The following OSBPL3 variants were observed in gnomAD, a reference collection of about 807,000 sequenced individuals.
OSBPL3 encodes the protein oxysterol binding protein like 3.
In OSBPL3, 65 loss-of-function variants were observed where a neutral mutation model predicts 120.1. That is an observed-to-expected ratio of 0.54 (90% CI 0.44 to 0.67). The LOEUF (loss-of-function observed/expected upper bound fraction) is 0.67, where lower values mean the gene tolerates loss of function less well. Ranked by LOEUF, OSBPL3 falls within the 30% of genes least tolerant of loss-of-function variation. The pLI, the probability that OSBPL3 is intolerant of heterozygous loss-of-function variation, is 0.00. For synonymous variants in OSBPL3, 416 were observed against 402.6 expected (o/e 1.03, Z -0.40); for missense variants, 1,004 against 1,082.1 (o/e 0.93, Z 1.01).
intron 1 of OSBPL3, among the ~76,000 whole-genome samples, chr7:24,892,827 T>C (rs1450866370): frequency 1.3e-5 from 2 of 152,210 alleles, no homozygotes; most frequent in African/African-American, 2.4e-5. Flanking sequence ...CTTTGCAATA[T>C]AGCAGGCTTA....
At position 24,800,225 on chromosome 7, in the gene OSBPL3, T is replaced by C. The variant is rs748127199; in HGVS notation, c.2622A>G (p.Lys874=). 5.0e-6 allele frequency: 8 copies of C among 1,612,280 alleles called. No individual in the cohort carries two copies. The highest frequency in any genetic ancestry group is 2.2e-5 in the South Asian group (2 of 91,068). Residue 874 remains lysine, a synonymous_variant, in exon 23 of 23, where the codon AAA becomes AAG. Coordinates refer to ENST00000313367, the MANE Select transcript of OSBPL3 (RefSeq NM_015550.4). ...VSNGTYLELR[K]DLGFSKLDHP... The stretch of plus-strand genomic sequence containing the variant: ...GGTCCAGTTTGGAAAAACCAAGATC[T>C]TTTCTAAGTTCCAAATAGGTGCCGT...
chr7:24,829,495 C>T (rs1382351484), intron 16 of OSBPL3, among the ~76,000 whole-genome samples: 1 of 152,116 alleles, frequency 6.6e-6, no homozygotes. Context: ...CTCAGCCAAC[C>T]CACGCTTCCC....
chr7:24,895,964 G>T (rs1260097887), intron 1 of OSBPL3, among the ~76,000 whole-genome samples: 3 of 152,090 alleles, frequency 2.0e-5, no homozygotes, highest in Admixed American at 6.5e-5. Flanking sequence ...AACATTTACG[G>T]CCTGCCAAAA....
intron 7 of OSBPL3, among the ~76,000 whole-genome samples, chr7:24,865,066 T>C (rs545029539): frequency 1.3e-5 from 2 of 152,310 alleles, no homozygotes; most frequent in East Asian, 3.9e-4. Flanking sequence ...CCTTGGAGAC[T>C]GACTTATAGG....
chr7:24,852,567 C>T lies in OSBPL3; in HGVS notation c.1095G>A (p.Met365Ile). 6.2e-7 allele frequency: 1 copy of T among 1,610,002 alleles called. No individual in the cohort carries two copies. Among genetic ancestry groups the T allele is most frequent in the Non-Finnish European group, 8.5e-7 (1 of 1,178,874 alleles). Residue 365 changes from methionine (M) to isoleucine (I), a missense_variant, in exon 11 of 23, where the codon ATG becomes ATA. Coordinates refer to ENST00000313367, the MANE Select transcript of OSBPL3 (RefSeq NM_015550.4). The surrounding 1 kb of genome is among the most constrained non-coding windows in gnomAD (Gnocchi z 4.1). ...SAEREKLKQL[M>I]EQDASSSPSA... ...ACGGGGAGGAGGAGGCATCCTGCTC[C>T]ATCAGCTGCTTCAGTTTCTCTCTCT...
rs1793399711 is a variant in OSBPL3, at chr7:24,808,845, CTTAGGAAATGT to C, written c.2317+951_2317+961del. Among the ~76,000 whole-genome samples, 3 of 152,200 alleles carry C rather than the reference CTTAGGAAATGT, an allele frequency of 2.0e-5. No individual in the cohort carries two copies. The highest frequency in any genetic ancestry group is 7.2e-5 in the African/African-American group (3 of 41,442). On this transcript the variant is annotated intron_variant, in intron 20 of 22. Coordinates refer to ENST00000313367, the MANE Select transcript of OSBPL3 (RefSeq NM_015550.4). The surrounding 1 kb of genome is among the most constrained non-coding windows in gnomAD (Gnocchi z 4.6). Reference sequence around the variant, plus strand: ...TATAAAGTCCCATTTGCTGCGGGATCTTAGGAAATGTTCCTGAGAAAAGAGAGGCACGAGAG... The same window carrying C: ...TATAAAGTCCCATTTGCTGCGGGATCTCCTGAGAAAAGAGAGGCACGAGAG...
At position 24,952,381 on chromosome 7, in the gene OSBPL3, T is replaced by A. The variant is rs180920684; in HGVS notation, c.-150+27505A>T. Among the ~76,000 whole-genome samples, 1 of 152,242 alleles carries A rather than the reference T, an allele frequency of 6.6e-6. No individual in the cohort carries two copies. Among genetic ancestry groups the A allele is most frequent in the Admixed American group, 6.5e-5 (1 of 15,282 alleles). On this transcript the variant is annotated intron_variant, in intron 1 of 22. Coordinates refer to ENST00000313367, the MANE Select transcript of OSBPL3 (RefSeq NM_015550.4). The surrounding 1 kb of genome is among the most constrained non-coding windows in gnomAD (Gnocchi z 4.4). ...CAATGTCATGTAATCACTAATCATA[T>A]ACCGGTTATCTAGGTCTCCTGACAT...
chr7:24,861,245 C>A (rs1022439574), intron 10 of OSBPL3, among the ~76,000 whole-genome samples: 1 of 152,106 alleles, frequency 6.6e-6, no homozygotes, highest in Non-Finnish European at 1.5e-5. Flanking sequence ...TGGATAAATT[C>A]TAAGTTAATT....
chr7:24,915,505 A>G (rs1461262693), intron 1 of OSBPL3, among the ~76,000 whole-genome samples: 2 of 151,940 alleles, frequency 1.3e-5, no homozygotes, highest in African/African-American at 4.8e-5. Context: ...ATGTTTCCAA[A>G]TTCAAGGAAT....
intron 5 of OSBPL3, 72 bp from the exon 6 acceptor site, chr7:24,866,309 G>A (rs1801312458): frequency 9.0e-7 from 1 of 1,113,614 alleles, no homozygotes; most frequent in Non-Finnish European, 1.4e-6. Context: ...TCATCAAATT[G>A]AGGCCACTCT....
rs951855428 is a variant in OSBPL3 at position 24,804,228 on chromosome 7, G to A, written c.2567+87C>T. ...AGCCTGGAGAATGCTCTTATCTGGG[G>A]ACAGTACTGTTCACTTTCTGCAAAC... On this transcript the variant is annotated intron_variant, in intron 22 of 22. Transcript: ENST00000313367. This position sits in a 1 kb window ranked among gnomAD's most constrained non-coding sequence, Gnocchi z 5.4. The A allele has an allele frequency of 5.4e-6, 8 of 1,483,274 alleles. 1 individual carries two copies. The highest frequency in any genetic ancestry group is 4.2e-4 in the Middle Eastern group (2 of 4,726). 91.9% of individuals were successfully genotyped at this position (1,483,274 alleles called of 1,614,324 possible). A position where few individuals can be genotyped will look rare whatever the true frequency, so the allele number is the denominator to read the frequency against.
rs1796220903 is a variant in OSBPL3, at chr7:24,830,383, G to C, written c.1884+385C>G. 6.6e-6 allele frequency among the ~76,000 whole-genome samples: 1 copy of C among 152,170 alleles called. No homozygotes were observed. The highest frequency in any genetic ancestry group is 1.5e-5 in the Non-Finnish European group (1 of 68,040). On this transcript the variant is annotated intron_variant, in intron 16 of 22. Transcript: ENST00000313367. This position sits in a 1 kb window ranked among gnomAD's most constrained non-coding sequence, Gnocchi z 4.4. ...AAAATTGAGAATAACGCATTTATCT[G>C]GCGCTACCCACTCTGCTGGGGGCAT...
At chr7:24,910,421 C>T (rs1227640157) in intron 1 of OSBPL3, among the ~76,000 whole-genome samples, 1 of 152,174 alleles carries the variant, frequency 6.6e-6, no homozygotes, top group Admixed American at 6.5e-5. Context: ...ACTTGTCCTT[C>T]AACACCTTAC....
Position 24,835,448 on chromosome 7 carries a change from A to C in OSBPL3, c.1496-712T>G, listed in dbSNP as rs1796881244. Among the ~76,000 whole-genome samples the C allele has an allele frequency of 6.6e-6, 1 of 152,172 alleles. No homozygotes were observed. Among genetic ancestry groups the C allele is most frequent in the African/African-American group, 2.4e-5 (1 of 41,440 alleles). On this transcript the variant is annotated intron_variant, in intron 14 of 22. Coordinates refer to ENST00000313367, the MANE Select transcript of OSBPL3 (RefSeq NM_015550.4). The surrounding 1 kb of genome is among the most constrained non-coding windows in gnomAD (Gnocchi z 4.8). ...GGTGAGGCTGCAGAGAAAAGGGAAT[A>C]CTTATACACTACTGGCGGGAATGTA...
In OSBPL3 at chr7:24,894,845, T is replaced by C. The variant is rs1268200483; in HGVS notation, c.-149-2224A>G. Among the ~76,000 whole-genome samples the C allele has an allele frequency of 6.6e-6, 1 of 152,190 alleles. No individual in the cohort carries two copies. Among genetic ancestry groups the C allele is most frequent in the South Asian group, 2.1e-4 (1 of 4,828 alleles). On this transcript the variant is annotated intron_variant, in intron 1 of 22. Coordinates refer to ENST00000313367, the MANE Select transcript of OSBPL3 (RefSeq NM_015550.4). This position sits in a 1 kb window ranked among gnomAD's most constrained non-coding sequence, Gnocchi z 4.1. ...CCTAGAGGCAGCTGATACAGGGTCA[T>C]CTTTATCTCTTTGTCCTGCAGAATT...
At chr7:24,954,735 T>A (rs551987651) in intron 1 of OSBPL3, among the ~76,000 whole-genome samples, 1 of 152,338 alleles carries the variant, frequency 6.6e-6, no homozygotes, top group South Asian at 2.1e-4. Flanking sequence ...TCGTTTTGCA[T>A]TGACCCTCTC....
At chr7:24,928,891 C>T (rs924963870) in intron 1 of OSBPL3, among the ~76,000 whole-genome samples, 1 of 152,166 alleles carries the variant, frequency 6.6e-6, no homozygotes, top group Non-Finnish European at 1.5e-5. Context: ...TATAAATGCA[C>T]CACAATTTAT....
chr7:24,921,017 G>T (rs1344457491), intron 1 of OSBPL3, among the ~76,000 whole-genome samples: 1 of 152,132 alleles, frequency 6.6e-6, no homozygotes, highest in Non-Finnish European at 1.5e-5. Flanking sequence ...TATCCCAAGA[G>T]GCAGCACCAG....
intron 2 of OSBPL3, among the ~76,000 whole-genome samples, chr7:24,885,788 T>C (rs1024052656): frequency 6.6e-6 from 1 of 152,234 alleles, no homozygotes; most frequent in African/African-American, 2.4e-5. Context: ...GCTCAGGGCC[T>C]TTTAATAACA....
Sources: allele counts gnomAD v4.1 joint callset (sites outside exome capture counted in the v4.1 genomes callset), GRCh38; gene constraint gnomAD v4.1.1; non-coding constraint Gnocchi (gnomAD v3.1); transcripts MANE v1.5; gene names NCBI Gene and HGNC (gene_info 2026-07-23, HGNC 2026-07-21).